Variants in RBPJ observed in about 807,000 individuals in gnomAD.
RBPJ encodes the protein recombination signal binding protein for immunoglobulin kappa J region, also known as recombining binding protein suppressor of hairless.
Under a neutral mutation model 67.8 loss-of-function variants are expected in RBPJ, and 9 were observed. The ratio of observed to expected loss-of-function variants is 0.13; its 90% confidence interval spans 0.08 to 0.23. The LOEUF is 0.23. Among genes scored for constraint, RBPJ ranks in the 10% least tolerant of loss-of-function variants. RBPJ has a pLI of 1.00. For missense variants in RBPJ, 305 were observed against 595.6 expected, an observed-to-expected ratio of 0.51 and a Z score of 5.08; for synonymous variants, 198 against 203.3, an observed-to-expected ratio of 0.97 and a Z score of 0.22.
At chr4:26,379,115 C>T (rs1234578100) in intron 1 of RBPJ, among the ~76,000 whole-genome samples, 4 of 152,174 alleles carry the variant, frequency 2.6e-5, no homozygotes, top group Non-Finnish European at 5.9e-5. Context: ...AAGTACATTT[C>T]TTCACCTGTA....
intron 1 of RBPJ, among the ~76,000 whole-genome samples, chr4:26,215,403 GGGGGGAAGGA>G (rs1718683959): frequency 6.0e-5 from 1 of 16,792 alleles, no homozygotes; most frequent in Non-Finnish European, 1.3e-4. Context: ...GGAAGGAAGG[GGGGGGAAGGA>G]AGGAAGGGAG....
At position 26,205,872 on chromosome 4, in the gene RBPJ, C is replaced by T. The variant is rs569426167; in HGVS notation, c.-167+42258C>T. ...CCTCCCAAAATGCTGGGATTACAGA[C>T]ATGAGCCGCCACACCCAGCCTAAAA... On this transcript the variant is annotated intron_variant, in intron 1 of 4. Transcript: ENST00000512351. Among the ~76,000 whole-genome samples the T allele has an allele frequency of 4.6e-5, 7 of 151,856 alleles. No individual in the cohort carries two copies. The East Asian group carries it at 1.2e-3, about 25-fold the overall frequency.
the RBPJ span, among the ~76,000 whole-genome samples, chr4:26,143,953 C>T: frequency 2.0e-5 from 3 of 151,950 alleles, no homozygotes; most frequent in Non-Finnish European, 4.4e-5. Context: ...AACAGATTCA[C>T]ATTAAAAAAT....
chr4:26,113,475 C>A, the RBPJ span: 3 of 552,584 alleles, frequency 5.4e-6, no homozygotes, highest in Non-Finnish European at 1.1e-5. Context: ...CAAACACACA[C>A]AGGAGAAAAG....
chr4:26,177,206 A>G (rs1716826170), intron 1 of RBPJ, among the ~76,000 whole-genome samples: 1 of 152,200 alleles, frequency 6.6e-6, no homozygotes, highest in Non-Finnish European at 1.5e-5. Context: ...CTTAAATTCA[A>G]GCCTTTCGCT....
intron 1 of RBPJ, among the ~76,000 whole-genome samples, chr4:26,340,544 G>C (rs1052189698): frequency 6.6e-6 from 1 of 152,068 alleles, no homozygotes; most frequent in Non-Finnish European, 1.5e-5. Context: ...TCAAGGTAGA[G>C]ATGATGCTGA....
intron 1 of RBPJ, among the ~76,000 whole-genome samples, chr4:26,324,422 GT>G (rs1723410679): frequency 6.6e-6 from 1 of 151,886 alleles, no homozygotes; most frequent in Non-Finnish European, 1.5e-5. Flanking sequence ...GTGTGTGTGT[GT>G]GTGGTGTAAG....
At position 26,430,035 on chromosome 4, in the gene RBPJ, T is replaced by C. The variant is rs1432968620; in HGVS notation, c.1026T>C (p.Pro342=). 2.5e-5 allele frequency: 40 copies of C among 1,613,998 alleles called. No homozygotes were observed. Among genetic ancestry groups the C allele is most frequent in the Non-Finnish European group, 3.4e-5 (40 of 1,179,976 alleles). ...GPVLAPVTPV[P]VVESLQLNGG... The stretch of plus-strand genomic sequence containing the variant: ...TCCTTGCCCCAGTCACTCCTGTGCC[T>C]GTGGTAGAGAGCCTTCAGGTGAGAA... Residue 342 remains proline (P), a synonymous_variant, in exon 9 of 11, where the codon CCT becomes CCC. Coordinates refer to ENST00000355476, the MANE Select transcript of RBPJ (RefSeq NM_015874.6). The surrounding 1 kb of genome is among the most constrained non-coding windows in gnomAD (Gnocchi z 4.1).
intron 1 of RBPJ, among the ~76,000 whole-genome samples, chr4:26,275,525 A>G (rs1721050064): frequency 6.6e-6 from 1 of 152,234 alleles, no homozygotes; most frequent in Non-Finnish European, 1.5e-5. Context: ...GGTGTGGCTA[A>G]GCAACATGTC....
chr4:26,335,658 C>G (rs1406441828), intron 1 of RBPJ, among the ~76,000 whole-genome samples: 3 of 131,556 alleles, frequency 2.3e-5, no homozygotes, highest in Admixed American at 9.1e-5. Context: ...CTGGCTCTGT[C>G]TCCCATGCTG....
intron 1 of RBPJ, among the ~76,000 whole-genome samples, chr4:26,306,018 T>C (rs1391551518): frequency 1.7e-4 from 16 of 95,754 alleles, no homozygotes; most frequent in Non-Finnish European, 2.7e-4. Context: ...ACTCCTGAGC[T>C]CAGGTGATCC....
rs1394393721 is a variant in RBPJ, at chr4:26,434,069, C to G, written c.*3062C>G. On this transcript the variant is annotated 3_prime_UTR_variant, in exon 11 of 11. Transcript: ENST00000355476. ...TAATTTATCACATAGATTGGGAAGG[C>G]AAGCTAAAAGCCTTAAAAATGCCCT... is the stretch of plus-strand genomic sequence containing the variant. 1 of 152,158 alleles carries G rather than the reference C, an allele frequency of 6.6e-6. No homozygotes were observed. Among genetic ancestry groups the G allele is most frequent in the Non-Finnish European group, 1.5e-5 (1 of 68,022 alleles). 9.4% of individuals were successfully genotyped at this position (152,158 alleles called of 1,614,324 possible). A position where few individuals can be genotyped will look rare whatever the true frequency, so the allele number is the denominator to read the frequency against.
At chr4:26,120,002 A>G in the RBPJ span, among the ~76,000 whole-genome samples, 33 of 152,334 alleles carry the variant, frequency 2.2e-4, no homozygotes, top group South Asian at 6.6e-3. Context: ...GAAAAGTCTG[A>G]ATTTGAGCCA....
In RBPJ at chr4:26,270,421, GAAAGAAAGAAAGAAAGAAGA is replaced by G. The variant is rs1240965485; in HGVS notation, c.-166-92022_-166-92003del. Among the ~76,000 whole-genome samples, 291 of 53,486 alleles carry G rather than the reference GAAAGAAAGAAAGAAAGAAGA, an allele frequency of 5.4e-3. 15 individuals are homozygous for G. Among genetic ancestry groups the G allele is most frequent in the Middle Eastern group, 0.037 (3 of 82 alleles). 35.1% of individuals were successfully genotyped at this position (53,486 alleles called of 152,430 possible). A position where few individuals can be genotyped will look rare whatever the true frequency, so the allele number is the denominator to read the frequency against. On this transcript the variant is annotated intron_variant, in intron 1 of 4. Coordinates refer to the RBPJ transcript ENST00000512351. The stretch of plus-strand genomic sequence containing the variant: ...AGAAAGAAAGAAAGAAAGAAAGAAA[GAAAGAAAGAAAGAAAGAAGA>G]AAGAAAGAAAGAAAGAAAAGAAAAG...
the RBPJ span, among the ~76,000 whole-genome samples, chr4:26,114,178 G>A: frequency 6.6e-6 from 1 of 152,110 alleles, no homozygotes; most frequent in African/African-American, 2.4e-5. Flanking sequence ...ATGTATGTGG[G>A]CCTGGCGTGT....
At chr4:26,185,544 C>T (rs1717215646) in intron 1 of RBPJ, among the ~76,000 whole-genome samples, 1 of 152,170 alleles carries the variant, frequency 6.6e-6, no homozygotes, top group African/African-American at 2.4e-5. Context: ...CTTTCTGAGG[C>T]CTTTTACTAG....
intron 1 of RBPJ, among the ~76,000 whole-genome samples, chr4:26,184,181 C>CAAAA (rs150415692): frequency 2.2e-5 from 2 of 89,850 alleles, no homozygotes; most frequent in African/African-American, 7.4e-5. Flanking sequence ...GACTTCATCT[C>CAAAA]AAAAAAAAAA....
At chr4:26,426,045 A>G (rs539381177) in intron 7 of RBPJ, among the ~76,000 whole-genome samples, 1 of 152,192 alleles carries the variant, frequency 6.6e-6, no homozygotes. Context: ...GAAGTATAGT[A>G]ATAGTAATCT....
At chr4:26,269,678 C>CTCAG (rs1350250730) in intron 1 of RBPJ, among the ~76,000 whole-genome samples, 1 of 152,166 alleles carries the variant, frequency 6.6e-6, no homozygotes, top group African/African-American at 2.4e-5. Context: ...TTCTTACAGC[C>CTCAG]TCAGCCCTTT....
Sources: gnomAD v4.1 joint callset for allele counts (sites outside exome capture counted in the v4.1 genomes callset) on GRCh38, gnomAD v4.1.1 for gene constraint, Gnocchi (gnomAD v3.1) non-coding constraint, MANE v1.5 for transcripts, NCBI Gene and HGNC (gene_info 2026-07-23, HGNC 2026-07-21) for gene names.